TIAM2: variants seen among roughly 807,000 people sequenced by gnomAD.
TIAM2 encodes TIAM Rac1 associated GEF 2.
Under a neutral mutation model 152.9 loss-of-function variants are expected in TIAM2, and 80 were observed. The observed-to-expected ratio is 0.52, with a 90% confidence interval of 0.44 to 0.63. The LOEUF (loss-of-function observed/expected upper bound fraction) is 0.63, where lower values mean the gene tolerates loss of function less well. Among genes scored for constraint, TIAM2 ranks in the 30% least tolerant of loss-of-function variants. The probability of loss-of-function intolerance (pLI) is 0.00; values close to 1 mark genes in which losing one functional copy is unlikely to be tolerated. For missense variants in TIAM2, 1,965 were observed against 2,120.1 expected (o/e 0.93, Z 1.44); for synonymous variants, 804 against 838.0 (o/e 0.96, Z 0.70).
intron 7 of TIAM2, among the ~76,000 whole-genome samples, chr6:155,154,955 A>C (rs1055878541): frequency 1.3e-5 from 2 of 152,200 alleles, no homozygotes; most frequent in Non-Finnish European, 2.9e-5. Context: ...GGAAAATACG[A>C]GGATACTGTG....
chr6:155,175,008 A>G (rs983040885), intron 9 of TIAM2, among the ~76,000 whole-genome samples: 1 of 152,232 alleles, frequency 6.6e-6, no homozygotes, highest in South Asian at 2.1e-4. Context: ...CACTGCCCAG[A>G]TGAAAAGTAC....
At chr6:155,145,223 A>G (rs1180500136) in intron 6 of TIAM2, among the ~76,000 whole-genome samples, 1 of 152,154 alleles carries the variant, frequency 6.6e-6, no homozygotes, top group Non-Finnish European at 1.5e-5. Flanking sequence ...GACAAATGCT[A>G]TGAGGTCTCA....
At chr6:155,086,098 T>C (rs1286771193) in intron 1 of TIAM2, among the ~76,000 whole-genome samples, 1 of 152,182 alleles carries the variant, frequency 6.6e-6, no homozygotes, top group Non-Finnish European at 1.5e-5. Context: ...TGGATTGCAG[T>C]CCAGCTCAGG....
chr6:155,025,462 T>C (rs1444957000), intron 1 of TIAM2, among the ~76,000 whole-genome samples: 3 of 151,936 alleles, frequency 2.0e-5, no homozygotes, highest in Non-Finnish European at 4.4e-5. Flanking sequence ...ATTACAGGCA[T>C]GAGCCACCGC....
At chr6:155,229,261 C>T (rs1782364298) in intron 15 of TIAM2, among the ~76,000 whole-genome samples, 1 of 152,218 alleles carries the variant, frequency 6.6e-6, no homozygotes, top group Non-Finnish European at 1.5e-5. Flanking sequence ...CAGTAAGAAA[C>T]TGCTGATGAG....
intron 24 of TIAM2, 34 bp from the exon 25 acceptor site, chr6:155,253,939 T>C (rs748147501): frequency 6.3e-7 from 1 of 1,576,602 alleles, no homozygotes; most frequent in African/African-American, 1.4e-5. Context: ...TTGGGCAAAG[T>C]TGTAGACTCT....
intron 1 of TIAM2, among the ~76,000 whole-genome samples, chr6:155,045,840 C>CTTTTTTTTTTTTTTTTTTTTTTT (rs11354850): frequency 1.8e-4 from 11 of 60,496 alleles, no homozygotes; most frequent in African/African-American, 2.7e-4. Flanking sequence ...ATAGTGCCCT[C>CTTTTTTTTTTTTTTTTTTTTTTT]TTTTTTTTTT....
intron 2 of TIAM2, among the ~76,000 whole-genome samples, chr6:155,104,040 A>ACACCCCCCCCCC (rs1562316893): frequency 3.5e-5 from 2 of 57,718 alleles, no homozygotes; most frequent in Non-Finnish European, 6.5e-5. Flanking sequence ...ACACACACAC[A>ACACCCCCCCCCC]CCCCCCCCCC....
In TIAM2 at chr6:155,029,443, C is replaced by CTA. The variant is rs1313594614; in HGVS notation, c.-209+33954_-209+33955dup. On this transcript the variant is annotated intron_variant, in intron 1 of 26. Transcript: ENST00000682666. ...TATATATACTATAGTATATATTATA[C>CTA]TATAGTATATATTATATATAATATA... is the stretch of plus-strand genomic sequence containing the variant. Among the ~76,000 whole-genome samples the CTA allele has an allele frequency of 3.3e-3, 22 of 6,658 alleles. 2 individuals are homozygous for CTA. Among genetic ancestry groups the CTA allele is most frequent in the African/African-American group, 8.7e-3 (22 of 2,526 alleles). The allele number at this position is 6,658 out of a possible 152,430, so 4.4% of individuals were successfully genotyped here.
chr6:155,082,072 A>C (rs1437974148), intron 1 of TIAM2, among the ~76,000 whole-genome samples: 2 of 152,144 alleles, frequency 1.3e-5, no homozygotes, highest in African/African-American at 2.4e-5. Flanking sequence ...GGCCAGGCGC[A>C]GTCGCTTACA....
intron 2 of TIAM2, among the ~76,000 whole-genome samples, chr6:155,118,182 T>C (rs4870355): frequency 6.6e-6 from 1 of 151,834 alleles, no homozygotes. Context: ...TCCCTCAGCC[T>C]GCCTTTTCCC....
chr6:155,216,205 T>G (rs1781857325), intron 15 of TIAM2, among the ~76,000 whole-genome samples: 1 of 151,884 alleles, frequency 6.6e-6, no homozygotes, highest in Admixed American at 6.6e-5. Context: ...CCCCACCCCC[T>G]GTGCCATGTC....
At chr6:155,055,406 A>G (rs1460987789) in intron 1 of TIAM2, among the ~76,000 whole-genome samples, 3 of 152,238 alleles carry the variant, frequency 2.0e-5, no homozygotes, top group Non-Finnish European at 4.4e-5. Context: ...GCAAGATTAT[A>G]GAAGATTGAA....
intron 7 of TIAM2, among the ~76,000 whole-genome samples, chr6:155,162,072 C>G (rs139309436): frequency 6.6e-6 from 1 of 152,154 alleles, no homozygotes; most frequent in African/African-American, 2.4e-5. Context: ...ATCCTCCCAC[C>G]TCAGCCTCTC....
At chr6:155,070,723 A>T (rs1449382130) in intron 1 of TIAM2, among the ~76,000 whole-genome samples, 1 of 152,138 alleles carries the variant, frequency 6.6e-6, no homozygotes, top group Non-Finnish European at 1.5e-5. Flanking sequence ...CATTGCTGTA[A>T]ACTGATCATC....
intron 15 of TIAM2, among the ~76,000 whole-genome samples, chr6:155,225,335 C>T (rs1032498809): frequency 6.6e-6 from 1 of 152,198 alleles, no homozygotes; most frequent in African/African-American, 2.4e-5. Context: ...GTGACACACC[C>T]ATCAGGACAG....
At chr6:155,124,832 C>T (rs993512592) in intron 2 of TIAM2, among the ~76,000 whole-genome samples, 11 of 151,696 alleles carry the variant, frequency 7.3e-5, no homozygotes, top group African/African-American at 2.7e-4. Context: ...GGATTTCCTG[C>T]CAATGGCCAA....
At position 155,118,433 on chromosome 6, in the gene TIAM2, TTC is replaced by T. The variant is rs869269508; in HGVS notation, c.-117-9055_-117-9054del. Among the ~76,000 whole-genome samples the T allele has an allele frequency of 7.9e-3, 431 of 54,498 alleles. 5 individuals carry two copies. Among genetic ancestry groups the T allele is most frequent in the African/African-American group, 0.047 (315 of 6,748 alleles). 35.8% of individuals were successfully genotyped at this position (54,498 alleles called of 152,430 possible). A position where few individuals can be genotyped will look rare whatever the true frequency, so the allele number is the denominator to read the frequency against. On this transcript the variant is annotated intron_variant, in intron 2 of 26. Transcript: ENST00000682666. Reference sequence around the variant, plus strand: ...TTCTTTTTTCTTTTTCTTTTTCTTTTTCTTTTTTTTTTTTTTTGAGACGGAGT... The same window carrying T: ...TTCTTTTTTCTTTTTCTTTTTCTTTTTTTTTTTTTTTTTTTGAGACGGAGT...
intron 17 of TIAM2, 77 bp from the exon 18 acceptor site, chr6:155,244,581 T>C: frequency 2.7e-6 from 4 of 1,504,424 alleles, no homozygotes; most frequent in Non-Finnish European, 3.6e-6. Context: ...TGTGATTTAT[T>C]TGTGGGCCTA....
Sources: gnomAD v4.1 joint callset for allele counts (sites outside exome capture counted in the v4.1 genomes callset) on GRCh38, gnomAD v4.1.1 for gene constraint, MANE v1.5 for transcripts, NCBI Gene and HGNC (gene_info 2026-07-23, HGNC 2026-07-21) for gene names.